ZNF438: variants seen among roughly 807,000 people sequenced by gnomAD.
ZNF438 encodes the protein zinc finger protein 438.
In ZNF438, 25 loss-of-function variants were observed where a neutral mutation model predicts 38.0. The observed-to-expected ratio is 0.66, with a 90% CI of 0.48 to 0.92. The LOEUF is 0.92. Among genes scored for constraint, ZNF438 ranks in the 40% least tolerant of loss-of-function variants. The pLI, the probability that ZNF438 is intolerant of heterozygous loss-of-function variation, is 0.00. For missense variants in ZNF438, 1,007 were observed against 999.6 expected, an observed-to-expected ratio of 1.01 and a Z score of -0.10; for synonymous variants, 372 against 364.1, an observed-to-expected ratio of 1.02 and a Z score of -0.25.
At chr10:30,847,812 C>T (rs555003486) in intron 5 of ZNF438, among the ~76,000 whole-genome samples, 20 of 152,358 alleles carry the variant, frequency 1.3e-4, no homozygotes, top group African/African-American at 3.8e-4. Context: ...CAGCAGCCGG[C>T]GTGCCTGCCT....
At chr10:31,011,168 G>A (rs559863127) in intron 1 of ZNF438, among the ~76,000 whole-genome samples, 1 of 152,296 alleles carries the variant, frequency 6.6e-6, no homozygotes, top group Non-Finnish European at 1.5e-5. Flanking sequence ...AGCAGAGAGA[G>A]CATGGCCTGG....
At chr10:30,857,900 T>C (rs1386940062) in intron 4 of ZNF438, 3 of 505,098 alleles carry the variant, frequency 5.9e-6, no homozygotes, top group East Asian at 3.7e-5. Flanking sequence ...CCACAAATAG[T>C]ATTAAGAGAC....
intron 2 of ZNF438, chr10:30,910,556 G>C (rs972480203): frequency 6.6e-6 from 1 of 151,774 alleles, no homozygotes; most frequent in East Asian, 1.9e-4. Flanking sequence ...CTCAGCAGGG[G>C]CATGGTAGCA....
At chr10:31,016,024 T>C (rs1038632897) in intron 1 of ZNF438, among the ~76,000 whole-genome samples, 2 of 152,168 alleles carry the variant, frequency 1.3e-5, no homozygotes, top group African/African-American at 4.8e-5. Context: ...CCTCAACATA[T>C]GAATTTTGGG....
At chr10:30,908,400 T>A (rs184752946) in intron 3 of ZNF438, among the ~76,000 whole-genome samples, 241 of 152,312 alleles carry the variant, frequency 1.6e-3, no homozygotes, top group Middle Eastern at 0.01. Context: ...TAATGTTGGA[T>A]CTGGGAATGG....
intron 1 of ZNF438, among the ~76,000 whole-genome samples, chr10:30,947,808 C>T (rs1025581304): frequency 1.2e-4 from 18 of 152,198 alleles, no homozygotes; most frequent in Non-Finnish European, 2.1e-4. Flanking sequence ...TCTGTCACCC[C>T]TTTCTTTGAC....
chr10:30,940,482 A>T (rs190944287), intron 2 of ZNF438, among the ~76,000 whole-genome samples: 1 of 152,208 alleles, frequency 6.6e-6, no homozygotes, highest in Admixed American at 6.5e-5. Flanking sequence ...AGCAGGGGAC[A>T]TCACAGGCAG....
intron 3 of ZNF438, among the ~76,000 whole-genome samples, chr10:30,889,240 AG>A (rs1236065456): frequency 2.0e-5 from 3 of 152,242 alleles, no homozygotes; most frequent in Non-Finnish European, 4.4e-5. Context: ...AAAGCTTTAG[AG>A]GAGCTAAAAC....
intron 3 of ZNF438, among the ~76,000 whole-genome samples, chr10:30,881,973 C>T (rs1236094149): frequency 1.3e-5 from 2 of 152,088 alleles, no homozygotes; most frequent in Non-Finnish European, 2.9e-5. Flanking sequence ...TATAAAACTT[C>T]TAAAAGAAAA....
intron 1 of ZNF438, among the ~76,000 whole-genome samples, chr10:30,976,481 C>A (rs2051362889): frequency 6.6e-6 from 1 of 152,160 alleles, no homozygotes; most frequent in Non-Finnish European, 1.5e-5. Flanking sequence ...GTGGCACACA[C>A]CTGTAATCCC....
chr10:30,980,174 T>C (rs2051943149), intron 1 of ZNF438, among the ~76,000 whole-genome samples: 1 of 150,086 alleles, frequency 6.7e-6, no homozygotes, highest in African/African-American at 2.5e-5. Flanking sequence ...TTAGAACATG[T>C]GAGACAACGT....
At chr10:30,889,701 C>T (rs2013325) in intron 3 of ZNF438, among the ~76,000 whole-genome samples, 118,793 of 152,196 alleles carry the variant, frequency 0.78, 47,133 homozygotes, top group African/African-American at 0.89. Flanking sequence ...CCACCGTGTC[C>T]GGCATCAACA....
intron 4 of ZNF438, among the ~76,000 whole-genome samples, chr10:30,874,112 GTGTATATA>G (rs2037981897): frequency 2.8e-5 from 1 of 36,074 alleles, no homozygotes; most frequent in African/African-American, 4.1e-5. Context: ...GGGTGTGTGT[GTGTATATA>G]TATATATATA....
chr10:30,993,531 A>C (rs2053723785), intron 1 of ZNF438, among the ~76,000 whole-genome samples: 1 of 152,042 alleles, frequency 6.6e-6, no homozygotes, highest in Admixed American at 6.5e-5. Context: ...AAGTGGGGCT[A>C]TGGTAGTTTC....
intron 1 of ZNF438, among the ~76,000 whole-genome samples, chr10:30,994,561 G>C (rs936524528): frequency 2.0e-5 from 3 of 152,174 alleles, no homozygotes; most frequent in African/African-American, 7.2e-5. Context: ...ATTCCCACCA[G>C]CAAGAAGGCC....
intron 1 of ZNF438, among the ~76,000 whole-genome samples, chr10:31,012,636 G>A (rs1000358680): frequency 2.6e-5 from 4 of 152,174 alleles, no homozygotes; most frequent in Admixed American, 2.6e-4. Flanking sequence ...ATTTATTGAA[G>A]GAATGACTGC....
chr10:30,998,288 C>T (rs1279264084), intron 1 of ZNF438, among the ~76,000 whole-genome samples: 1 of 151,878 alleles, frequency 6.6e-6, no homozygotes, highest in African/African-American at 2.4e-5. Flanking sequence ...TGCCTGTAAT[C>T]CTAGCACTTT....
At chr10:30,899,560 T>A (rs1207957737) in intron 3 of ZNF438, among the ~76,000 whole-genome samples, 1 of 152,082 alleles carries the variant, frequency 6.6e-6, no homozygotes, top group African/African-American at 2.4e-5. Flanking sequence ...ATTGAAAAAT[T>A]CACCTTATTA....
chr10:30,913,007 A>G (rs2043235977), intron 2 of ZNF438, among the ~76,000 whole-genome samples: 1 of 152,054 alleles, frequency 6.6e-6, no homozygotes, highest in Non-Finnish European at 1.5e-5. Flanking sequence ...TAAATCTGTT[A>G]TCTTTTCTAT....
Sources: allele counts gnomAD v4.1 joint callset (sites outside exome capture counted in the v4.1 genomes callset), GRCh38; gene constraint gnomAD v4.1.1; transcripts MANE v1.5; gene names NCBI Gene and HGNC (gene_info 2026-07-23, HGNC 2026-07-21).